ABCC9: variants seen among roughly 807,000 people sequenced by gnomAD.
ABCC9 encodes the protein ATP binding cassette subfamily C member 9.
ABCC9 carries 95 observed loss-of-function variants against 188.3 expected under a neutral mutation model. The ratio of observed to expected loss-of-function variants is 0.50; its 90% CI spans 0.43 to 0.60. The LOEUF is 0.60. Ranked by LOEUF, ABCC9 falls within the 20% of genes least tolerant of loss-of-function variation. The pLI is 0.00. For synonymous variants in ABCC9, 659 were observed against 652.7 expected (o/e 1.01, Z -0.15); for missense variants, 1,102 against 1,876.3 (o/e 0.59, Z 7.62).
Position 21,815,880 on chromosome 12 carries a change from A to T in ABCC9, c.3906T>A (p.Val1302=). The change falls in exon 34 of 40, where the codon GTT becomes GTA. Residue 1302 remains valine (V), a synonymous_variant. Coordinates refer to ENST00000261200, the MANE Select transcript of ABCC9 (RefSeq NM_020297.4). The stretch of plus-strand genomic sequence containing the variant: ...CCCCTTCTTGTGGCCAATGTTCTGG[A>T]ACTTGAGAAGGATCTGGAGGATGGG... ...NYEGTMDPSQ[V]PEHWPQEGEI... The T allele has an allele frequency of 6.2e-7, 1 of 1,613,200 alleles. No homozygotes were observed. Among genetic ancestry groups the T allele is most frequent in the South Asian group, 1.1e-5 (1 of 91,070 alleles).
intron 5 of ABCC9, among the ~76,000 whole-genome samples, chr12:21,922,751 CTTTTTTT>C (rs143763191): frequency 8.4e-6 from 1 of 119,120 alleles, no homozygotes; most frequent in Non-Finnish European, 1.8e-5. Context: ...TTTTTTTTTT[CTTTTTTT>C]TTTTTTTTTG....
Position 21,887,934 on chromosome 12 carries a change from A to G in ABCC9, c.1803T>C (p.Ser601=), listed in dbSNP as rs773930785. 3.7e-6 allele frequency: 6 copies of G among 1,606,438 alleles called. No individual in the cohort carries two copies. Among genetic ancestry groups the G allele is most frequent in the Non-Finnish European group, 5.1e-6 (6 of 1,173,312 alleles). Residue 601 remains serine, a splice_region_variant and synonymous_variant, in exon 15 of 40, where the codon AGT becomes AGC. Transcript: ENST00000261200. The part of the protein sequence containing the change: ...VVRFAVKAII[S]VQKLNEFLLS... ...AGAGAAACTCATTCAGCTTTTGAAC[A>G]CTGCAAAAAACAATAAACACAGAAT...
At chr12:21,889,811 C>G (rs1046359575) in intron 14 of ABCC9, among the ~76,000 whole-genome samples, 1 of 152,092 alleles carries the variant, frequency 6.6e-6, no homozygotes, top group Non-Finnish European at 1.5e-5. Context: ...TCTTAACACC[C>G]CACTTTGAAA....
chr12:21,848,085 A>G (rs1944774980), intron 25 of ABCC9, 65 bp downstream of exon 25: 2 of 1,413,072 alleles, frequency 1.4e-6, no homozygotes, highest in South Asian at 2.3e-5. Context: ...AGACACTCAC[A>G]CATAAAAAAC....
chr12:21,806,203 T>C (rs1224725334), intron 38 of ABCC9, 143 bp from the exon 39 acceptor site: 2 of 744,650 alleles, frequency 2.7e-6, no homozygotes, highest in Admixed American at 4.1e-5. Flanking sequence ...GAAGGGGCAG[T>C]CCCCAGCAGC....
chr12:21,818,561 T>TGTGTGA (rs1339574313), intron 31 of ABCC9, among the ~76,000 whole-genome samples: 21 of 142,732 alleles, frequency 1.5e-4, no homozygotes, highest in African/African-American at 5.2e-4. Context: ...TGTGTGTGTG[T>TGTGTGA]GATATGGGTT....
At chr12:21,845,332 A>G (rs1162440205) in intron 26 of ABCC9, among the ~76,000 whole-genome samples, 1 of 151,658 alleles carries the variant, frequency 6.6e-6, no homozygotes, top group East Asian at 1.9e-4. Flanking sequence ...TAACATATAT[A>G]AAAATATATG....
At chr12:21,906,047 T>C in intron 12 of ABCC9, 79 bp downstream of exon 12, 2 of 1,466,914 alleles carry the variant, frequency 1.4e-6, no homozygotes, top group Non-Finnish European at 1.9e-6. Context: ...GTTTCATTGA[T>C]CACAATCTAA....
At chr12:21,858,527 T>C (rs373416443) in intron 22 of ABCC9, among the ~76,000 whole-genome samples, 92 of 151,046 alleles carry the variant, frequency 6.1e-4, no homozygotes, top group South Asian at 1.5e-3. Context: ...TGCAGTGAGC[T>C]GAGATGGTGC....
intron 8 of ABCC9, 22 bp from the exon 9 acceptor site, chr12:21,911,000 T>C (rs1592213629): frequency 6.2e-7 from 1 of 1,611,080 alleles, no homozygotes; most frequent in East Asian, 2.2e-5. Context: ...AGAAAAAAAG[T>C]GTCATATTAA....
intron 2 of ABCC9, among the ~76,000 whole-genome samples, chr12:21,937,523 A>G (rs569333032): frequency 6.6e-6 from 1 of 152,234 alleles, no homozygotes; most frequent in South Asian, 2.1e-4. Flanking sequence ...GGGGCAGAGG[A>G]GTGACGTGCT....
chr12:21,896,570 G>T (rs2137758875), intron 12 of ABCC9, among the ~76,000 whole-genome samples: 1 of 152,138 alleles, frequency 6.6e-6, no homozygotes, highest in East Asian at 1.9e-4. Context: ...CCTTCCCACT[G>T]CCCTCCTCAT....
intron 18 of ABCC9, among the ~76,000 whole-genome samples, chr12:21,865,711 T>C (rs746793046): frequency 6.6e-6 from 1 of 152,154 alleles, no homozygotes; most frequent in East Asian, 1.9e-4. Flanking sequence ...AACGCAGAGA[T>C]ATGGATTAAG....
chr12:21,923,617 C>A, intron 5 of ABCC9: 1 of 538,630 alleles, frequency 1.9e-6, no homozygotes, highest in Non-Finnish European at 3.3e-6. Flanking sequence ...CTAAATTAGA[C>A]CAAGATCACC....
chr12:21,910,134 C>G (rs1349387774), intron 10 of ABCC9, 23 bp downstream of exon 10: 1 of 1,598,042 alleles, frequency 6.3e-7, no homozygotes, highest in Non-Finnish European at 8.6e-7. Context: ...AGACAAAAAT[C>G]TTACTTATAT....
intron 29 of ABCC9, 119 bp downstream of exon 29, chr12:21,842,195 G>T: frequency 7.8e-7 from 1 of 1,281,896 alleles, no homozygotes; most frequent in Non-Finnish European, 1.1e-6. Flanking sequence ...TTGTGTTTTG[G>T]AACTTCGTGG....
chr12:21,832,267 A>G (rs1447460797), intron 30 of ABCC9, among the ~76,000 whole-genome samples: 2 of 152,194 alleles, frequency 1.3e-5, no homozygotes, highest in African/African-American at 4.8e-5. Context: ...GCTTCATGTG[A>G]GTACACCACG....
chr12:21,911,497 G>C (rs987204041), intron 8 of ABCC9, among the ~76,000 whole-genome samples: 27 of 152,052 alleles, frequency 1.8e-4, no homozygotes, highest in African/African-American at 6.0e-4. Flanking sequence ...AACACTACCA[G>C]TAACAAAACA....
rs2291550 is a variant in ABCC9 at position 21,848,154 on chromosome 12, G to C, written c.2862C>G (p.Asp954Glu). ...REAKAQMEDE[D>E]EEEEEEEDED... ...GATAAAAGAAAAAAGATCTACCTTC[G>C]TCTTCGTCCTCCATCTGGGCTTTGG... is the stretch of plus-strand genomic sequence containing the variant. The change falls in exon 25 of 40, where the codon GAC becomes GAG. Residue 954 changes from aspartate (D) to glutamate (E), a missense_variant. Around this residue, in one of 12 missense-constraint regions of ABCC9, gnomAD observed 131 missense variants for 170.2 expected, o/e 0.77. Coordinates refer to ENST00000261200, the MANE Select transcript of ABCC9 (RefSeq NM_020297.4). 6.2e-7 allele frequency: 1 copy of C among 1,613,092 alleles called. No homozygotes were observed. The highest frequency in any genetic ancestry group is 1.1e-5 in the South Asian group (1 of 91,058).
Sources: gnomAD v4.1 joint callset for allele counts (sites outside exome capture counted in the v4.1 genomes callset) on GRCh38, gnomAD v4.1.1 for gene constraint, gnomAD v4.1.1 regional missense constraint, MANE v1.5 for transcripts, NCBI Gene and HGNC (gene_info 2026-07-23, HGNC 2026-07-21) for gene names.